Variants in MRPS22 observed in about 807,000 individuals in gnomAD.
The protein encoded by MRPS22 is mitochondrial ribosomal protein S22.
Under a neutral mutation model 44.0 loss-of-function variants are expected in MRPS22, and 30 were observed. That is an observed-to-expected ratio of 0.68 (90% CI 0.51 to 0.93). MRPS22 has a LOEUF of 0.93. Among genes scored for constraint, MRPS22 ranks in the 40% least tolerant of loss-of-function variants. The pLI is 0.00. For missense variants in MRPS22, 447 were observed against 447.8 expected (o/e 1.00, Z 0.02); for synonymous variants, 165 against 154.4 (o/e 1.07, Z -0.51).
At chr3:139,355,528 C>T in intron 6 of MRPS22, 154 bp from the exon 7 acceptor site, 1 of 704,648 alleles carries the variant, frequency 1.4e-6, no homozygotes, top group Non-Finnish European at 2.5e-6. Context: ...CCTGAAAATG[C>T]TTTTGAAACT....
chr3:139,344,541 CAGG>C (rs1941001775), intron 1 of MRPS22: 1 of 611,768 alleles, frequency 1.6e-6, no homozygotes, highest in Non-Finnish European at 2.9e-6. Flanking sequence ...GGGACGCACA[CAGG>C]AGAGGCACTC....
At chr3:139,347,747 T>C (rs749773222) in intron 2 of MRPS22, among the ~76,000 whole-genome samples, 1 of 152,178 alleles carries the variant, frequency 6.6e-6, no homozygotes, top group Non-Finnish European at 1.5e-5. Context: ...TGCCTCTGTT[T>C]TTTCTTCTGT....
chr3:139,344,818 T>G, intron 1 of MRPS22: 1 of 566,154 alleles, frequency 1.8e-6, no homozygotes, highest in East Asian at 3.0e-5. Flanking sequence ...GGTTGTCCCA[T>G]TTACACCAAG....
chr3:139,351,223 A>G (rs980116736), intron 5 of MRPS22, 163 bp downstream of exon 5: 7 of 636,030 alleles, frequency 1.1e-5, no homozygotes, highest in South Asian at 1.7e-5. Context: ...TATATTTTAT[A>G]ATCACAACAA....
chr3:139,351,539 G>A, intron 5 of MRPS22: 1 of 207,302 alleles, frequency 4.8e-6, no homozygotes, highest in South Asian at 7.9e-5. Context: ...TATGGCTGTG[G>A]GGAAAGGTGC....
In MRPS22 at chr3:139,356,835, A is replaced by G. The variant is rs550698146; in HGVS notation, c.988-84A>G. 40 of 975,798 alleles carry G rather than the reference A, an allele frequency of 4.1e-5. No individual in the cohort carries two copies. The East Asian group carries it at 1.0e-3, about 25-fold the overall frequency. The allele number at this position is 975,798 out of a possible 1,614,324, so 60.4% of individuals were successfully genotyped here. A position where few individuals can be genotyped will look rare whatever the true frequency, so the allele number is the denominator to read the frequency against. ...AAGTAGGACTCTTTGCTACTACAGA[A>G]ATGCTAATGATGTCTTAAAACTGAA... On this transcript the variant is annotated intron_variant, in intron 7 of 7. Coordinates refer to ENST00000680020, the MANE Select transcript of MRPS22 (RefSeq NM_020191.4).
intron 4 of MRPS22, 189 bp from the exon 5 acceptor site, chr3:139,350,788 G>A: frequency 1.5e-6 from 1 of 646,362 alleles, no homozygotes; most frequent in African/African-American, 1.8e-5. Flanking sequence ...TTGTACTAGG[G>A]TTCTCTCATA....
chr3:139,355,644 G>GA, intron 6 of MRPS22, 38 bp from the exon 7 acceptor site: 1 of 1,514,508 alleles, frequency 6.6e-7, no homozygotes, highest in Non-Finnish European at 9.2e-7. Context: ...ATCAAATGAA[G>GA]AAAACCCCTA....
chr3:139,344,530 G>A (rs1941001388), intron 1 of MRPS22: 1 of 609,604 alleles, frequency 1.6e-6, no homozygotes. Flanking sequence ...GGTTGTTATA[G>A]GGGACGCACA....
intron 3 of MRPS22, chr3:139,348,611 C>T (rs750016604): frequency 1.5e-5 from 5 of 339,394 alleles, no homozygotes; most frequent in Non-Finnish European, 2.7e-5. Context: ...CCATCCCAAA[C>T]CACAAATGGA....
chr3:139,348,968 C>T (rs1941095871), intron 3 of MRPS22: 1 of 178,006 alleles, frequency 5.6e-6, no homozygotes, highest in Non-Finnish European at 1.2e-5. Context: ...GAATAGTTTA[C>T]AATTCAGCCC....
At chr3:139,347,545 A>G (rs1941063380) in intron 2 of MRPS22, among the ~76,000 whole-genome samples, 1 of 152,310 alleles carries the variant, frequency 6.6e-6, no homozygotes, top group East Asian at 1.9e-4. Context: ...TCAGCAAAAT[A>G]TATATATCTC....
intron 6 of MRPS22, among the ~76,000 whole-genome samples, chr3:139,354,747 T>C (rs1941212622): frequency 6.6e-6 from 1 of 152,136 alleles, no homozygotes; most frequent in African/African-American, 2.4e-5. Context: ...TGAAGAGTGC[T>C]AGCTGCGGAA....
intron 3 of MRPS22, chr3:139,348,573 C>T (rs935754412): frequency 8.1e-6 from 4 of 491,880 alleles, no homozygotes; most frequent in South Asian, 4.1e-5. Context: ...TGAGGCAGAA[C>T]AAGGAGTACA....
Position 139,347,014 on chromosome 3 carries a change from T to C in MRPS22, c.309T>C (p.Tyr103=). The C allele has an allele frequency of 6.2e-7, 1 of 1,614,168 alleles. No homozygotes were observed. Among genetic ancestry groups the C allele is most frequent in the Non-Finnish European group, 8.5e-7 (1 of 1,180,026 alleles). Residue 103 remains tyrosine, a synonymous_variant, in exon 2 of 8, where the codon TAT becomes TAC. Coordinates refer to ENST00000680020, the MANE Select transcript of MRPS22 (RefSeq NM_020191.4). ...TACAAGAACTGAAGCCACCAACCTA[T>C]AAGCTAATGACTCAGGCACAGTTGG... ...PAIQELKPPT[Y]KLMTQAQLEE...
At chr3:139,345,527 A>T (rs576561576) in intron 1 of MRPS22, among the ~76,000 whole-genome samples, 1 of 144,406 alleles carries the variant, frequency 6.9e-6, no homozygotes, top group East Asian at 2.0e-4. Flanking sequence ...AAATGGGCTG[A>T]ATGTGTAAAG....
At chr3:139,346,731 A>G (rs1941044106) in intron 1 of MRPS22, 147 bp from the exon 2 acceptor site, 1 of 742,488 alleles carries the variant, frequency 1.3e-6, no homozygotes, top group Non-Finnish European at 2.3e-6. Flanking sequence ...TGAAGAAATA[A>G]ATGAATGCAT....
chr3:139,348,928 T>G (rs955313111), intron 3 of MRPS22: 22 of 170,962 alleles, frequency 1.3e-4, no homozygotes, highest in Middle Eastern at 2.9e-3. Flanking sequence ...AGCTTTGTAT[T>G]TGAGCCTTTG....
At chr3:139,352,557 G>T in intron 5 of MRPS22, 90 bp from the exon 6 acceptor site, 2 of 1,172,756 alleles carry the variant, frequency 1.7e-6, no homozygotes, top group Non-Finnish European at 2.5e-6. Context: ...TTACTTGCTT[G>T]GGCAGCACTC....
Sources: gnomAD v4.1 joint callset for allele counts (sites outside exome capture counted in the v4.1 genomes callset) on GRCh38, gnomAD v4.1.1 for gene constraint, MANE v1.5 for transcripts, NCBI Gene and HGNC (gene_info 2026-07-23, HGNC 2026-07-21) for gene names.